Variants in ACBD5 observed in about 807,000 individuals in gnomAD.
The protein encoded by ACBD5 is acyl-CoA-binding domain-containing protein 5.
ACBD5 carries 40 observed loss-of-function variants against 71.8 expected under a neutral mutation model. The observed-to-expected ratio is 0.56, with a 90% CI of 0.43 to 0.72. The LOEUF is 0.72. ACBD5 is among the 30% of genes least tolerant of loss of function. The pLI, the probability that ACBD5 is intolerant of heterozygous loss-of-function variation, is 0.00. For missense variants in ACBD5, 559 were observed against 644.5 expected (o/e 0.87, Z 1.44); for synonymous variants, 229 against 218.6 (o/e 1.05, Z -0.42).
chr10:27,223,455 G>A lies in ACBD5; in HGVS notation c.376-3C>T, dbSNP rs2062618307. 1.3e-6 allele frequency: 2 copies of A among 1,598,910 alleles called. No homozygotes were observed. Among genetic ancestry groups the A allele is most frequent in the Non-Finnish European group, 1.7e-6 (2 of 1,168,150 alleles). ...GTCATTGGCATAGTTTCAATAATCTGTAATCAAAAGAAACAAATATTGTGA... is the reference window on the plus strand; with the variant it reads ...GTCATTGGCATAGTTTCAATAATCTATAATCAAAAGAAACAAATATTGTGA... On this transcript the variant is annotated splice_region_variant and splice_polypyrimidine_tract_variant and intron_variant, in intron 4 of 12. Coordinates refer to ENST00000396271, the MANE Select transcript of ACBD5 (RefSeq NM_145698.5).
chr10:27,186,889 C>T lies in ACBD5; in HGVS notation c.1494-4174G>A, dbSNP rs2058792619. The T allele has an allele frequency of 1.1e-5, 3 of 272,912 alleles. No homozygotes were observed. In the South Asian group the frequency reaches 1.3e-4, roughly 12 times the overall value. The allele number at this position is 272,912 out of a possible 1,614,324, so 16.9% of individuals were successfully genotyped here. The stretch of plus-strand genomic sequence containing the variant: ...GATTTCAGTTCACTGTTCAGTTTAG[C>T]ATTAAAATAATAAAATAATCATACA... On this transcript the variant is annotated intron_variant, in intron 13 of 13. Transcript: ENST00000676511.
At chr10:27,218,634 A>G (rs1036737986) in intron 6 of ACBD5, among the ~76,000 whole-genome samples, 16 of 151,296 alleles carry the variant, frequency 1.1e-4, no homozygotes, top group African/African-American at 2.9e-4. Flanking sequence ...CACCCAGGCT[A>G]GAGTGCAATG....
chr10:27,183,023 GA>G (rs1236330149), intron 13 of ACBD5, among the ~76,000 whole-genome samples: 1 of 151,938 alleles, frequency 6.6e-6, no homozygotes, highest in African/African-American at 2.4e-5. Context: ...CTTTTTTTAT[GA>G]AACCCTCTGT....
intron 8 of ACBD5, among the ~76,000 whole-genome samples, chr10:27,213,619 T>C (rs1403947051): frequency 1.3e-5 from 2 of 152,004 alleles, no homozygotes; most frequent in East Asian, 1.9e-4. Flanking sequence ...TAGCGGGGCA[T>C]GGTGGCGCAT....
At position 27,205,437 on chromosome 10, in the gene ACBD5, T is replaced by C. The variant is rs969755447; in HGVS notation, c.1405-189A>G. ...CAGTATTTTTCTGCTAACTATACTTTGATTATCCTGAAACTAATACTTACC... is the reference window on the plus strand; with the variant it reads ...CAGTATTTTTCTGCTAACTATACTTCGATTATCCTGAAACTAATACTTACC... On this transcript the variant is annotated intron_variant, in intron 10 of 12. Coordinates refer to ENST00000396271, the MANE Select transcript of ACBD5 (RefSeq NM_145698.5). Among the ~76,000 whole-genome samples, 18 of 152,254 alleles carry C rather than the reference T, an allele frequency of 1.2e-4. No homozygotes were observed. The South Asian group carries it at 3.3e-3, about 28-fold the overall frequency.
intron 2 of ACBD5, among the ~76,000 whole-genome samples, chr10:27,238,195 C>T (rs1199007119): frequency 3.9e-5 from 6 of 152,024 alleles, no homozygotes; most frequent in African/African-American, 1.5e-4. Context: ...TCCGCCAGCC[C>T]CGTGATCAGC....
rs1455438679 is a variant in ACBD5 at position 27,196,581 on chromosome 10, G to A, written c.*849C>T. The A allele has an allele frequency of 4.4e-6, 2 of 453,682 alleles. No individual in the cohort carries two copies. The highest frequency in any genetic ancestry group is 8.8e-6 in the Non-Finnish European group (2 of 226,632). The allele number at this position is 453,682 out of a possible 1,614,324, so 28.1% of individuals were successfully genotyped here. A position where few individuals can be genotyped will look rare whatever the true frequency, so the allele number is the denominator to read the frequency against. ...TTCCTTTTTGACTGTTGTAAAAACA[G>A]TATAAATAAGTTTTCATTTTATATT... On this transcript the variant is annotated 3_prime_UTR_variant, in exon 13 of 13. Coordinates refer to ENST00000396271, the MANE Select transcript of ACBD5 (RefSeq NM_145698.5).
intron 13 of ACBD5, among the ~76,000 whole-genome samples, chr10:27,188,344 G>GA (rs1649351452): frequency 6.6e-6 from 1 of 152,192 alleles, no homozygotes; most frequent in African/African-American, 2.4e-5. Flanking sequence ...GTAGTAGAAA[G>GA]AAAAAAAGTT....
chr10:27,226,649 AT>A (rs141926345), intron 4 of ACBD5, among the ~76,000 whole-genome samples: 14 of 148,970 alleles, frequency 9.4e-5, no homozygotes, highest in Admixed American at 7.4e-4. Flanking sequence ...TTTTTTTTTA[AT>A]TTTTTTTGTT....
chr10:27,208,174 G>A, intron 10 of ACBD5, 72 bp downstream of exon 10: 2 of 1,418,778 alleles, frequency 1.4e-6, no homozygotes, highest in Non-Finnish European at 2.0e-6. Flanking sequence ...ATGTCAATAT[G>A]ATCAACGCAG....
chr10:27,210,524 G>A (rs1230911000), intron 9 of ACBD5, among the ~76,000 whole-genome samples: 5 of 152,276 alleles, frequency 3.3e-5, no homozygotes, highest in South Asian at 2.1e-4. Flanking sequence ...TTGGGAGGCC[G>A]AGGTGGGTGG....
intron 4 of ACBD5, among the ~76,000 whole-genome samples, chr10:27,227,424 G>A (rs2063222360): frequency 6.6e-6 from 1 of 152,056 alleles, no homozygotes; most frequent in Admixed American, 6.6e-5. Context: ...AAATCCTAAT[G>A]CTCTACTCTC....
chr10:27,207,490 T>C (rs985415888), intron 10 of ACBD5, among the ~76,000 whole-genome samples: 6 of 152,202 alleles, frequency 3.9e-5, no homozygotes, highest in African/African-American at 1.4e-4. Flanking sequence ...GCATGTCTTC[T>C]TTGATTAATC....
At chr10:27,216,041 AT>A (rs2061586592) in intron 7 of ACBD5, among the ~76,000 whole-genome samples, 1 of 151,558 alleles carries the variant, frequency 6.6e-6, no homozygotes, top group South Asian at 2.1e-4. Flanking sequence ...CACCTGGCTA[AT>A]TTTGCATTTT....
chr10:27,191,090 A>G (rs149803273), downstream of ACBD5, among the ~76,000 whole-genome samples: 274 of 152,326 alleles, frequency 1.8e-3, no homozygotes, highest in African/African-American at 6.2e-3. Context: ...GAATGAATAA[A>G]CAGAGGCACA....
chr10:27,229,080 G>A (rs1407188445), intron 4 of ACBD5, among the ~76,000 whole-genome samples: 1 of 149,964 alleles, frequency 6.7e-6, no homozygotes, highest in African/African-American at 2.4e-5. Context: ...CCTCGGCTTC[G>A]GAAAGTGCTG....
chr10:27,201,346 A>T (rs1027151771), intron 12 of ACBD5, among the ~76,000 whole-genome samples: 5 of 152,220 alleles, frequency 3.3e-5, no homozygotes, highest in African/African-American at 1.2e-4. Flanking sequence ...GTCTGCAGGT[A>T]TTGTTCTTCC....
rs1193317664 is a variant in ACBD5 at position 27,240,784 on chromosome 10, G to A, written c.-96C>T. ...GCGGAGCAGCCACACCCCCCATTCC[G>A]CCGGAGTCCGTCTGTCAGTCCGTGC... On this transcript the variant is annotated 5_prime_UTR_variant, in exon 1 of 13. Transcript: ENST00000396271. This position sits in a 1 kb window ranked among gnomAD's most constrained non-coding sequence, Gnocchi z 4.1. 5.2e-6 allele frequency: 8 copies of A among 1,526,822 alleles called. No homozygotes were observed. The highest frequency in any genetic ancestry group is 4.8e-5 in the South Asian group (4 of 83,570). The allele number at this position is 1,526,822 out of a possible 1,614,324, so 94.6% of individuals were successfully genotyped here.
At chr10:27,241,712 C>A (rs1191485637), upstream of ACBD5, among the ~76,000 whole-genome samples, 5 of 147,572 alleles carry the variant, frequency 3.4e-5, no homozygotes, top group South Asian at 2.2e-4. Flanking sequence ...ATTTAAGAAA[C>A]CAATAATTAA....
Sources: gnomAD v4.1 joint callset for allele counts (sites outside exome capture counted in the v4.1 genomes callset) on GRCh38, gnomAD v4.1.1 for gene constraint, Gnocchi (gnomAD v3.1) non-coding constraint, MANE v1.5 for transcripts, NCBI Gene and HGNC (gene_info 2026-07-23, HGNC 2026-07-21) for gene names.